Variants in KLHL32 observed in about 807,000 individuals in gnomAD.
The protein encoded by KLHL32 is kelch-like protein 32.
Under a neutral mutation model 64.8 loss-of-function variants are expected in KLHL32, and 35 were observed. The observed-to-expected ratio is 0.54, with a 90% CI of 0.41 to 0.72. The LOEUF (loss-of-function observed/expected upper bound fraction) is 0.72. Among genes scored for constraint, KLHL32 ranks in the 30% least tolerant of loss-of-function variants. The pLI is 0.00. For missense variants in KLHL32, 589 were observed against 768.5 expected (o/e 0.77, Z 2.76); for synonymous variants, 259 against 281.0 (o/e 0.92, Z 0.78).
chr6:97,015,989 A>T (rs1224025415), intron 3 of KLHL32, among the ~76,000 whole-genome samples: 1 of 152,228 alleles, frequency 6.6e-6, no homozygotes, highest in Non-Finnish European at 1.5e-5. Context: ...GGGTGCACAG[A>T]AGTCAAGAAT....
intron 3 of KLHL32, among the ~76,000 whole-genome samples, chr6:96,978,455 T>C (rs1775947759): frequency 6.6e-6 from 1 of 152,194 alleles, no homozygotes; most frequent in Non-Finnish European, 1.5e-5. Flanking sequence ...CCATCCATGT[T>C]GCTGCAAAGG....
chr6:96,942,654 GGTGTGT>G (rs373680196), intron 1 of KLHL32, among the ~76,000 whole-genome samples: 18,116 of 144,212 alleles, frequency 0.13, 1,297 homozygotes, highest in East Asian at 0.25. Flanking sequence ...ACAGCTGTGG[GGTGTGT>G]GTGTGTGTGT....
intron 4 of KLHL32, among the ~76,000 whole-genome samples, chr6:97,054,090 T>A (rs1390337385): frequency 6.6e-6 from 1 of 152,138 alleles, no homozygotes; most frequent in East Asian, 1.9e-4. Context: ...CTTAAGTTTT[T>A]TAAAAAGAAA....
At chr6:97,007,662 C>A (rs80266393) in intron 3 of KLHL32, among the ~76,000 whole-genome samples, 3 of 152,138 alleles carry the variant, frequency 2.0e-5, no homozygotes, top group Non-Finnish European at 4.4e-5. Flanking sequence ...AGGTTTTTTG[C>A]TTTTTCATCT....
At chr6:96,936,923 C>T (rs1770677059) in intron 1 of KLHL32, among the ~76,000 whole-genome samples, 1 of 152,132 alleles carries the variant, frequency 6.6e-6, no homozygotes, top group Admixed American at 6.5e-5. Flanking sequence ...CGGGTCTTTG[C>T]TCAAATGTCA....
intron 10 of KLHL32, among the ~76,000 whole-genome samples, chr6:97,133,288 C>A (rs1344283011): frequency 6.6e-6 from 1 of 152,164 alleles, no homozygotes; most frequent in Non-Finnish European, 1.5e-5. Flanking sequence ...GGGCAAGTTG[C>A]CAGCTGGGCC....
intron 5 of KLHL32, among the ~76,000 whole-genome samples, chr6:97,072,248 T>A (rs527838136): frequency 1.7e-4 from 26 of 152,310 alleles, no homozygotes; most frequent in African/African-American, 5.8e-4. Context: ...ACTACTACTG[T>A]CTTCAATCAG....
At chr6:96,943,036 T>TACACACACACACAC (rs113696398) in intron 1 of KLHL32, among the ~76,000 whole-genome samples, 3 of 146,326 alleles carry the variant, frequency 2.1e-5, no homozygotes, top group South Asian at 2.2e-4. Context: ...ATGCTCCCTC[T>TACACACACACACAC]ACACACACAC....
At chr6:96,904,187 C>G in the KLHL32 span, among the ~76,000 whole-genome samples, 20 of 151,654 alleles carry the variant, frequency 1.3e-4, no homozygotes, top group Admixed American at 9.2e-4. Flanking sequence ...ACTATAAATA[C>G]AAAAATTTTC....
intron 3 of KLHL32, among the ~76,000 whole-genome samples, chr6:97,014,341 T>A (rs1308292523): frequency 6.6e-6 from 1 of 152,086 alleles, no homozygotes; most frequent in East Asian, 1.9e-4. Flanking sequence ...AAATTATTAT[T>A]TGCAACTTTA....
intron 3 of KLHL32, among the ~76,000 whole-genome samples, chr6:96,991,779 C>T (rs1777903361): frequency 6.6e-6 from 1 of 152,088 alleles, no homozygotes; most frequent in South Asian, 2.1e-4. Flanking sequence ...CAAGAAAGTG[C>T]AGAGCTGCTA....
At chr6:97,072,294 C>A (rs1194546079) in intron 5 of KLHL32, among the ~76,000 whole-genome samples, 1 of 152,210 alleles carries the variant, frequency 6.6e-6, no homozygotes, top group East Asian at 1.9e-4. Flanking sequence ...AAAGCAACTT[C>A]TTGCTAACTG....
chr6:96,949,089 A>G (rs1262308685), intron 1 of KLHL32, among the ~76,000 whole-genome samples: 3 of 152,186 alleles, frequency 2.0e-5, no homozygotes, highest in Non-Finnish European at 2.9e-5. Context: ...TGTTTTGTGC[A>G]TTTTAGCAGC....
At chr6:97,043,117 A>G (rs1376118159) in intron 4 of KLHL32, among the ~76,000 whole-genome samples, 2 of 152,182 alleles carry the variant, frequency 1.3e-5, no homozygotes, top group Non-Finnish European at 2.9e-5. Flanking sequence ...TGCTGGAGCT[A>G]TGTTTCTTGT....
intron 5 of KLHL32, among the ~76,000 whole-genome samples, chr6:97,080,917 G>T (rs1193243101): frequency 1.3e-5 from 2 of 152,092 alleles, no homozygotes; most frequent in Non-Finnish European, 2.9e-5. Context: ...ATGAAACAAG[G>T]GAAACACAAT....
intron 1 of KLHL32, among the ~76,000 whole-genome samples, chr6:96,949,818 G>A (rs1053649801): frequency 3.3e-5 from 5 of 152,000 alleles, no homozygotes; most frequent in African/African-American, 4.8e-5. Context: ...GTAAAACTAA[G>A]GAAGGGAAAT....
chr6:97,068,707 T>A (rs1044718418), intron 5 of KLHL32, among the ~76,000 whole-genome samples: 1 of 152,222 alleles, frequency 6.6e-6, no homozygotes, highest in East Asian at 1.9e-4. Flanking sequence ...TCTAAGGTTT[T>A]ACAAATAAGG....
chr6:97,113,321 CACATATTTTCTTACGTTACTCATATTGAT>C (rs879775320), intron 6 of KLHL32, among the ~76,000 whole-genome samples: 5 of 152,060 alleles, frequency 3.3e-5, no homozygotes, highest in Admixed American at 6.6e-5. Context: ...CTCAGATGAT[CACATATTTTCTTACGTTACTCATATTGAT>C]ACAGCACCTT....
At chr6:97,001,031 G>A (rs1271409879) in intron 3 of KLHL32, among the ~76,000 whole-genome samples, 1 of 152,202 alleles carries the variant, frequency 6.6e-6, no homozygotes, top group African/African-American at 2.4e-5. Context: ...CTTGAGAGAA[G>A]GAGGGATAAT....
Sources: allele counts gnomAD v4.1 joint callset (sites outside exome capture counted in the v4.1 genomes callset), GRCh38; gene constraint gnomAD v4.1.1; transcripts MANE v1.5; gene names NCBI Gene and HGNC (gene_info 2026-07-23, HGNC 2026-07-21).